RNMT: variants seen among roughly 807,000 people sequenced by gnomAD.
The protein encoded by RNMT is mRNA cap guanine-N(7) methyltransferase.
A neutral mutation model predicts 56.0 loss-of-function variants in RNMT; 27 were observed. The ratio of observed to expected loss-of-function variants is 0.48; its 90% CI spans 0.36 to 0.67. RNMT has a LOEUF of 0.67. Ranked by LOEUF, RNMT falls within the 30% of genes least tolerant of loss-of-function variation. RNMT has a pLI of 0.00. For missense variants in RNMT, 519 were observed against 552.1 expected, an observed-to-expected ratio of 0.94 and a Z score of 0.60; for synonymous variants, 184 against 176.2, an observed-to-expected ratio of 1.04 and a Z score of -0.35.
At chr18:13,752,472 G>A in intron 10 of RNMT, 45 bp downstream of exon 10, 3 of 1,204,448 alleles carry the variant, frequency 2.5e-6, no homozygotes, top group Non-Finnish European at 3.7e-6. Flanking sequence ...ATGAAAAAAA[G>A]AACATGCTTA....
intron 5 of RNMT, among the ~76,000 whole-genome samples, chr18:13,737,568 C>T (rs559886973): frequency 6.6e-6 from 1 of 151,922 alleles, no homozygotes; most frequent in East Asian, 1.9e-4. Flanking sequence ...AGTTACAAGA[C>T]TTTCCTGATA....
chr18:13,730,793 AC>A (rs2044053700), intron 2 of RNMT, 38 bp downstream of exon 2: 1 of 152,260 alleles, frequency 6.6e-6, no homozygotes, highest in Non-Finnish European at 1.5e-5. Context: ...ACTGTGCTGT[AC>A]TTAAAGCTGG....
chr18:13,738,132 A>C (rs2044195617), intron 5 of RNMT, among the ~76,000 whole-genome samples: 1 of 152,164 alleles, frequency 6.6e-6, no homozygotes, highest in African/African-American at 2.4e-5. Context: ...GTACTGCCCA[A>C]ATTAGCAGTT....
intron 8 of RNMT, among the ~76,000 whole-genome samples, chr18:13,745,366 A>T (rs185404074): frequency 9.8e-5 from 15 of 152,336 alleles, no homozygotes; most frequent in Admixed American, 8.5e-4. Context: ...CTGAGTGGTG[A>T]TGGTGACTGA....
chr18:13,762,139 T>C lies in RNMT; in HGVS notation c.*2160T>C, dbSNP rs2149112290. 2.0e-6 allele frequency: 3 copies of C among 1,534,882 alleles called. No individual in the cohort carries two copies. The East Asian group carries it at 7.3e-5, about 38-fold the overall frequency. ...CAGTGAAGTGGGGCACTCCCAGACC[T>C]GCCATGCAGTTTATCCTCTGAGAAT... On this transcript the variant is annotated 3_prime_UTR_variant, in exon 12 of 12. Coordinates refer to ENST00000383314, the MANE Select transcript of RNMT (RefSeq NM_003799.3).
intron 1 of RNMT, among the ~76,000 whole-genome samples, chr18:13,727,526 A>G (rs934515590): frequency 6.6e-6 from 1 of 152,226 alleles, no homozygotes; most frequent in Non-Finnish European, 1.5e-5. Context: ...ACTTTGATAC[A>G]TGCATACAAT....
At chr18:13,753,816 TACACAC>T (rs3138630) in intron 10 of RNMT, among the ~76,000 whole-genome samples, 138 of 144,492 alleles carry the variant, frequency 9.6e-4, no homozygotes, top group Middle Eastern at 3.6e-3. Context: ...ATTTTCCAGT[TACACAC>T]ACACACACAC....
At chr18:13,752,163 T>G in intron 9 of RNMT, 163 bp from the exon 10 acceptor site, 1 of 573,518 alleles carries the variant, frequency 1.7e-6, no homozygotes. Context: ...ATTCTTCCTT[T>G]TTTTTAATTT....
intron 6 of RNMT, among the ~76,000 whole-genome samples, chr18:13,741,037 T>C (rs1220131004): frequency 6.6e-6 from 1 of 152,252 alleles, no homozygotes; most frequent in Non-Finnish European, 1.5e-5. Flanking sequence ...ATTGACTTAT[T>C]GACTCACTGA....
At chr18:13,728,513 T>G (rs1270561968) in intron 1 of RNMT, among the ~76,000 whole-genome samples, 1 of 151,916 alleles carries the variant, frequency 6.6e-6, no homozygotes, top group African/African-American at 2.4e-5. Flanking sequence ...TTTTTGTGTT[T>G]TTGGTAGAGA....
intron 1 of RNMT, among the ~76,000 whole-genome samples, chr18:13,728,272 T>C (rs1165485718): frequency 4.0e-5 from 6 of 150,838 alleles, no homozygotes; most frequent in African/African-American, 1.5e-4. Context: ...TGTTCCCCCT[T>C]TTCTGCATCC....
chr18:13,749,329 T>C (rs988739910), intron 9 of RNMT, among the ~76,000 whole-genome samples: 6 of 152,182 alleles, frequency 3.9e-5, no homozygotes, highest in Non-Finnish European at 7.4e-5. Flanking sequence ...AAAAAACTGA[T>C]TGGTAATCTG....
In RNMT at chr18:13,761,284, G is replaced by A; in HGVS notation, c.*1305G>A. The A allele has an allele frequency of 2.0e-6, 2 of 985,318 alleles. No individual in the cohort carries two copies. Among genetic ancestry groups the A allele is most frequent in the Non-Finnish European group, 2.4e-6 (2 of 829,894 alleles). 61.0% of individuals were successfully genotyped at this position (985,318 alleles called of 1,614,324 possible). On this transcript the variant is annotated 3_prime_UTR_variant, in exon 12 of 12. Coordinates refer to ENST00000383314, the MANE Select transcript of RNMT (RefSeq NM_003799.3). ...CCAGTTTACAAAAATAAGTCTTTTT[G>A]CCTTAAGTCATTTTGGAAATAAGTA...
At chr18:13,732,047 A>G in intron 3 of RNMT, 113 bp downstream of exon 3, 2 of 871,440 alleles carry the variant, frequency 2.3e-6, no homozygotes, top group Non-Finnish European at 3.4e-6. Flanking sequence ...TTCTATTTTT[A>G]ATAGATATGG....
At chr18:13,749,603 CAAAG>C (rs1459857603) in intron 9 of RNMT, among the ~76,000 whole-genome samples, 3 of 151,902 alleles carry the variant, frequency 2.0e-5, no homozygotes, top group South Asian at 2.1e-4. Context: ...TGCAATAAGA[CAAAG>C]AATTATAAAG....
intron 9 of RNMT, among the ~76,000 whole-genome samples, chr18:13,750,260 G>C (rs1213066202): frequency 6.6e-6 from 1 of 152,158 alleles, no homozygotes; most frequent in Non-Finnish European, 1.5e-5. Context: ...TTATTAAACA[G>C]CGTTCTATGT....
rs934136964 is a variant in RNMT at position 13,726,714 on chromosome 18, G to A, written c.-187G>A. The A allele has an allele frequency of 6.6e-6, 1 of 152,312 alleles. No individual in the cohort carries two copies. The highest frequency in any genetic ancestry group is 2.4e-5 in the African/African-American group (1 of 41,448). 9.4% of individuals were successfully genotyped at this position (152,312 alleles called of 1,614,324 possible). On this transcript the variant is annotated 5_prime_UTR_variant, in exon 1 of 12. Transcript: ENST00000383314. ...GGCCGCCGTTTCCGCAAACAGAATCGCGTTTGGCTGTGCTGGTGAGTGTGA... is the reference window on the plus strand; with the variant it reads ...GGCCGCCGTTTCCGCAAACAGAATCACGTTTGGCTGTGCTGGTGAGTGTGA...
chr18:13,759,809 A>G (rs1458303654), intron 11 of RNMT, 133 bp from the exon 12 acceptor site: 5 of 677,648 alleles, frequency 7.4e-6, no homozygotes, highest in African/African-American at 1.8e-5. Context: ...AGGAACTCTT[A>G]GAATTAATGG....
Position 13,759,922 on chromosome 18 carries a change from C to CT in RNMT, c.1394-18dup. The CT allele has an allele frequency of 6.3e-7, 1 of 1,590,086 alleles. No individual in the cohort carries two copies. The highest frequency in any genetic ancestry group is 2.2e-5 in the East Asian group (1 of 44,664). On this transcript the variant is annotated intron_variant, in intron 11 of 11. Transcript: ENST00000383314. ...TTGTAATCATATGAGAAACTGAACT[C>CT]TTATTTATTTCTTCTTTAGGTATTT... is the stretch of plus-strand genomic sequence containing the variant.
Sources: gnomAD v4.1 joint callset for allele counts (sites outside exome capture counted in the v4.1 genomes callset) on GRCh38, gnomAD v4.1.1 for gene constraint, MANE v1.5 for transcripts, NCBI Gene and HGNC (gene_info 2026-07-23, HGNC 2026-07-21) for gene names.